XRN2: variants seen among roughly 807,000 people sequenced by gnomAD.
XRN2 encodes DHM1-like protein.
Under a neutral mutation model 138.5 loss-of-function variants are expected in XRN2, and 44 were observed. The ratio of observed to expected loss-of-function variants is 0.32; its 90% confidence interval spans 0.25 to 0.41. The LOEUF (loss-of-function observed/expected upper bound fraction) is 0.41, where lower values mean the gene tolerates loss of function less well. XRN2 is among the 10% of genes least tolerant of loss of function. The pLI, the probability that XRN2 is intolerant of heterozygous loss-of-function variation, is 1.00. For missense variants in XRN2, 937 were observed against 1,169.3 expected (o/e 0.80, Z 2.90); for synonymous variants, 354 against 369.4 (o/e 0.96, Z 0.48).
At chr20:21,320,574 C>T (rs2038025640) in intron 1 of XRN2, among the ~76,000 whole-genome samples, 2 of 151,672 alleles carry the variant, frequency 1.3e-5, no homozygotes, top group Admixed American at 1.3e-4. Flanking sequence ...GCTGGGATTA[C>T]AGGCGTGAGC....
intron 24 of XRN2, among the ~76,000 whole-genome samples, chr20:21,364,804 CAAA>C (rs55958227): frequency 1.4e-4 from 13 of 95,472 alleles, no homozygotes; most frequent in Non-Finnish European, 1.3e-4. Context: ...AGACCTGTCT[CAAA>C]AAAAAAAAAA....
At chr20:21,316,460 GGTTGA>G (rs1285466476) in intron 1 of XRN2, among the ~76,000 whole-genome samples, 6 of 152,000 alleles carry the variant, frequency 3.9e-5, no homozygotes, top group Admixed American at 1.3e-4. Flanking sequence ...GAGTTGTTTG[GGTTGA>G]GTTAAGGTGT....
At chr20:21,366,150 A>ATATAT (rs1315857249) in intron 26 of XRN2, among the ~76,000 whole-genome samples, 811 of 45,412 alleles carry the variant, frequency 0.018, 57 homozygotes, top group East Asian at 0.076. Flanking sequence ...ATATATAAAT[A>ATATAT]TATATTTATA....
intron 1 of XRN2, among the ~76,000 whole-genome samples, chr20:21,306,673 G>A (rs2037816414): frequency 1.3e-5 from 1 of 75,888 alleles, no homozygotes; most frequent in African/African-American, 3.6e-5. Flanking sequence ...ATAGAAGCAC[G>A]TTATTTGGAG....
At chr20:21,326,142 A>G in intron 1 of XRN2, 137 bp from the exon 2 acceptor site, 1 of 853,152 alleles carries the variant, frequency 1.2e-6, no homozygotes, top group Non-Finnish European at 1.7e-6. Flanking sequence ...GGAATAAAAT[A>G]ACTTATTATA....
chr20:21,354,903 T>G, intron 21 of XRN2, 31 bp downstream of exon 21: 1 of 1,565,906 alleles, frequency 6.4e-7, no homozygotes, highest in Non-Finnish European at 8.8e-7. Context: ...TTAACATTGA[T>G]CTGTGTAATA....
At chr20:21,370,149 G>A (rs1331486055) in intron 27 of XRN2, among the ~76,000 whole-genome samples, 5 of 152,124 alleles carry the variant, frequency 3.3e-5, no homozygotes, top group South Asian at 2.1e-4. Flanking sequence ...TTCCTTTGTC[G>A]AAAATGAGTT....
rs573749413 is a variant in XRN2 at position 21,306,206 on chromosome 20, G to A, written c.75+2733G>A. 1.8e-3 allele frequency among the ~76,000 whole-genome samples: 131 copies of A among 71,244 alleles called. 38 individuals carry two copies. Among genetic ancestry groups the A allele is most frequent in the African/African-American group, 5.0e-3 (129 of 25,934 alleles). The allele number at this position is 71,244 out of a possible 152,430, so 46.7% of individuals were successfully genotyped here. On this transcript the variant is annotated intron_variant, in intron 1 of 29. Transcript: ENST00000377191. ...GGCAGGAGTGCAGTGGTGTGATATC[G>A]GCTCACTGCAGCCTCCACTTCCCGG...
intron 1 of XRN2, among the ~76,000 whole-genome samples, chr20:21,310,676 T>A (rs1245357033): frequency 6.6e-6 from 1 of 152,148 alleles, no homozygotes; most frequent in Non-Finnish European, 1.5e-5. Context: ...GTTTGCATCT[T>A]TATGTTTAAA....
chr20:21,324,727 G>T (rs1288982161), intron 1 of XRN2, among the ~76,000 whole-genome samples: 6 of 152,106 alleles, frequency 3.9e-5, no homozygotes, highest in African/African-American at 1.4e-4. Flanking sequence ...TTGAACTCCT[G>T]GCCTCAAGCA....
intron 27 of XRN2, 151 bp downstream of exon 27, chr20:21,368,741 C>A: frequency 9.3e-7 from 1 of 1,073,216 alleles, no homozygotes; most frequent in Non-Finnish European, 1.3e-6. Context: ...TGAGAGAATA[C>A]CTTATGCAAA....
chr20:21,365,868 AT>A (rs2038689252), intron 26 of XRN2, among the ~76,000 whole-genome samples, 164 bp downstream of exon 26: 1 of 128,252 alleles, frequency 7.8e-6, no homozygotes, highest in Non-Finnish European at 1.6e-5. Context: ...ATAATATATA[AT>A]TATATATAAT....
chr20:21,338,833 A>G (rs745482210), intron 13 of XRN2, among the ~76,000 whole-genome samples: 2 of 152,204 alleles, frequency 1.3e-5, no homozygotes, highest in Admixed American at 6.5e-5. Context: ...ACCAAGATCA[A>G]TTGAATTGTA....
intron 27 of XRN2, among the ~76,000 whole-genome samples, chr20:21,369,310 A>G (rs1255064894): frequency 6.6e-6 from 1 of 152,270 alleles, no homozygotes; most frequent in Non-Finnish European, 1.5e-5. Flanking sequence ...TTATCCATTC[A>G]TCTGTTGATG....
intron 15 of XRN2, among the ~76,000 whole-genome samples, chr20:21,343,638 G>A (rs980406933): frequency 6.6e-6 from 1 of 150,666 alleles, no homozygotes; most frequent in African/African-American, 2.4e-5. Flanking sequence ...TGCTATATAT[G>A]TAATGCATTT....
Position 21,356,119 on chromosome 20 carries a change from G to A in XRN2, c.2060G>A (p.Gly687Glu). The change falls in exon 22 of 30, where the codon GGG becomes GAG. Residue 687 changes from glycine (G) to glutamate (E), a missense_variant. Gly to Glu is a moderately conservative substitution (Grantham distance 98). Transcript: ENST00000377191. ...NSLGGDVLFV[G>E]KHHPLHDFIL... ...CTTGGAGGTGATGTCTTATTTGTGG[G>A]GAAACATCACCCACTCCATGACTTC... The A allele has an allele frequency of 6.2e-7, 1 of 1,612,332 alleles. No individual in the cohort carries two copies. Among genetic ancestry groups the A allele is most frequent in the Non-Finnish European group, 8.5e-7 (1 of 1,179,052 alleles).
At chr20:21,342,393 G>A (rs905011617) in intron 15 of XRN2, among the ~76,000 whole-genome samples, 2 of 152,158 alleles carry the variant, frequency 1.3e-5, no homozygotes, top group African/African-American at 4.8e-5. Context: ...AATTTAATAT[G>A]AATCTGGTAT....
Position 21,382,019 on chromosome 20 carries a change from AG to A in XRN2, c.2612del (p.Gly871ValfsTer42). ...SNMRPQDSWR[G>X]PPPLFQQQRF... ...ATATGAGGCCCCAGGATTCCTGGCG[AG>A]GTCCTCCTCCCCTTTTCCAGCAGCA... On this transcript the variant is annotated frameshift_variant, in exon 28 of 30. Coordinates refer to ENST00000377191, the MANE Select transcript of XRN2 (RefSeq NM_012255.5). LOFTEE classifies it high-confidence loss of function. 1 of 1,608,920 alleles carries A rather than the reference AG, an allele frequency of 6.2e-7. No individual in the cohort carries two copies. Among genetic ancestry groups the A allele is most frequent in the Non-Finnish European group, 8.5e-7 (1 of 1,177,152 alleles).
chr20:21,360,530 T>TTGCA (rs2038626154), intron 24 of XRN2, among the ~76,000 whole-genome samples: 1 of 152,158 alleles, frequency 6.6e-6, no homozygotes, highest in Non-Finnish European at 1.5e-5. Flanking sequence ...GTTCATAGTG[T>TTGCA]TGCAACCAGT....
Sources: gnomAD v4.1 joint callset for allele counts (sites outside exome capture counted in the v4.1 genomes callset) on GRCh38, gnomAD v4.1.1 for gene constraint, MANE v1.5 for transcripts, NCBI Gene and HGNC (gene_info 2026-07-23, HGNC 2026-07-21) for gene names.